The following CAMKMT variants were observed in gnomAD, a reference collection of about 807,000 sequenced individuals.
CAMKMT encodes the protein calmodulin-lysine N-methyltransferase.
A neutral mutation model predicts 48.0 loss-of-function variants in CAMKMT; 53 were observed. The ratio of observed to expected loss-of-function variants is 1.10; its 90% CI spans 0.89 to 1.39. CAMKMT has a LOEUF of 1.39. CAMKMT is among the 40% of genes most tolerant of loss of function. CAMKMT has a pLI of 0.00. For missense variants in CAMKMT, 428 were observed against 402.7 expected (o/e 1.06, Z -0.54); for synonymous variants, 165 against 152.3 (o/e 1.08, Z -0.61).
chr2:44,548,617 C>T (rs1282429075), intron 3 of CAMKMT, among the ~76,000 whole-genome samples: 1 of 152,184 alleles, frequency 6.6e-6, no homozygotes, highest in Admixed American at 6.5e-5. Flanking sequence ...TGGATCTGAC[C>T]TAATGACATA....
chr2:44,674,018 C>G (rs754505354), intron 3 of CAMKMT, among the ~76,000 whole-genome samples: 4 of 152,126 alleles, frequency 2.6e-5, no homozygotes, highest in Non-Finnish European at 1.5e-5. Context: ...TTTTCATGCA[C>G]CAAAACCTTC....
At chr2:44,659,572 A>G (rs898407822) in intron 3 of CAMKMT, among the ~76,000 whole-genome samples, 3 of 151,882 alleles carry the variant, frequency 2.0e-5, no homozygotes, top group African/African-American at 7.3e-5. Flanking sequence ...TCTACAAAAA[A>G]AAAAAAAAGA....
intron 3 of CAMKMT, among the ~76,000 whole-genome samples, chr2:44,590,835 A>G (rs1216215408): frequency 5.1e-4 from 78 of 151,666 alleles, no homozygotes; most frequent in Admixed American, 2.0e-3. Context: ...GCCCATGCCT[A>G]TGTCCTGAAT....
At chr2:44,578,635 G>T (rs568470579) in intron 3 of CAMKMT, among the ~76,000 whole-genome samples, 1 of 152,132 alleles carries the variant, frequency 6.6e-6, no homozygotes, top group Admixed American at 6.6e-5. Context: ...CACTTTCCTA[G>T]TTCTACAAGG....
intron 3 of CAMKMT, among the ~76,000 whole-genome samples, chr2:44,606,399 AG>A (rs1325804599): frequency 6.6e-6 from 1 of 152,190 alleles, no homozygotes; most frequent in East Asian, 1.9e-4. Context: ...AGAGAGTCAA[AG>A]GTCTTTTAGA....
chr2:44,698,099 A>T (rs1048409870), intron 3 of CAMKMT, among the ~76,000 whole-genome samples: 1 of 152,248 alleles, frequency 6.6e-6, no homozygotes, highest in Non-Finnish European at 1.5e-5. Context: ...AACTTTAAAA[A>T]GTAGCAGCTT....
Position 44,686,209 on chromosome 2 carries a change from C to T in CAMKMT, c.377-18074C>T, listed in dbSNP as rs907438707. ...GAGATCGAGACCATCCTGGCTAACA[C>T]GATGAAACACCGTATCTACTAAAAA... On this transcript the variant is annotated intron_variant, in intron 3 of 10. Coordinates refer to ENST00000378494, the MANE Select transcript of CAMKMT (RefSeq NM_024766.5). Among the ~76,000 whole-genome samples the T allele has an allele frequency of 8.6e-5, 13 of 151,730 alleles. No individual in the cohort carries two copies. The South Asian group carries it at 1.9e-3, about 22-fold the overall frequency.
At chr2:44,743,720 C>T (rs760070584) in intron 8 of CAMKMT, 24 bp downstream of exon 8, 3 of 1,579,252 alleles carry the variant, frequency 1.9e-6, no homozygotes, top group African/African-American at 2.7e-5. Flanking sequence ...AATCACAAAA[C>T]TCCTGTTAGA....
At chr2:44,469,706 C>T (rs760975279) in intron 3 of CAMKMT, among the ~76,000 whole-genome samples, 4 of 152,040 alleles carry the variant, frequency 2.6e-5, no homozygotes, top group Non-Finnish European at 5.9e-5. Flanking sequence ...GTATTGAATA[C>T]ATACATAATG....
intron 3 of CAMKMT, among the ~76,000 whole-genome samples, chr2:44,516,295 G>C (rs1670829247): frequency 6.6e-6 from 1 of 152,182 alleles, no homozygotes; most frequent in Non-Finnish European, 1.5e-5. Flanking sequence ...TGTTAGGCCA[G>C]GGGGAAGCCA....
chr2:44,691,847 T>C (rs1676672563), intron 3 of CAMKMT, among the ~76,000 whole-genome samples: 1 of 152,138 alleles, frequency 6.6e-6, no homozygotes, highest in Non-Finnish European at 1.5e-5. Context: ...CCATAAATTA[T>C]AGAGTGTCAC....
chr2:44,454,044 C>T (rs1263616722), intron 3 of CAMKMT, among the ~76,000 whole-genome samples: 1 of 151,952 alleles, frequency 6.6e-6, no homozygotes, highest in African/African-American at 2.4e-5. Context: ...TAGAGAAATT[C>T]TTTTACTAAG....
intron 7 of CAMKMT, among the ~76,000 whole-genome samples, chr2:44,717,250 G>T (rs975084513): frequency 2.6e-5 from 4 of 151,798 alleles, no homozygotes; most frequent in Admixed American, 1.3e-4. Flanking sequence ...GGCTTTTTTT[G>T]TCATCTTCAT....
chr2:44,769,794 CTATT>C (rs1338276185), intron 10 of CAMKMT, among the ~76,000 whole-genome samples: 1 of 152,120 alleles, frequency 6.6e-6, no homozygotes, highest in Admixed American at 6.5e-5. Flanking sequence ...TTCTGCTTAT[CTATT>C]CAAAATGCCA....
At chr2:44,635,533 T>C (rs1032595097) in intron 3 of CAMKMT, among the ~76,000 whole-genome samples, 2 of 152,248 alleles carry the variant, frequency 1.3e-5, no homozygotes, top group Non-Finnish European at 2.9e-5. Context: ...ATGCTCCATC[T>C]TGCATATCTT....
At chr2:44,735,048 G>A (rs548737120) in intron 7 of CAMKMT, among the ~76,000 whole-genome samples, 2 of 152,290 alleles carry the variant, frequency 1.3e-5, no homozygotes, top group East Asian at 1.9e-4. Context: ...TTCAGTGCGT[G>A]AATATTTAGA....
At chr2:44,372,196 G>C (rs1679244197) in intron 1 of CAMKMT, among the ~76,000 whole-genome samples, 1 of 152,064 alleles carries the variant, frequency 6.6e-6, no homozygotes, top group Non-Finnish European at 1.5e-5. Context: ...AAAGATATAA[G>C]ACTGCAAGCC....
At chr2:44,542,620 G>A (rs1192563382) in intron 3 of CAMKMT, among the ~76,000 whole-genome samples, 1 of 151,428 alleles carries the variant, frequency 6.6e-6, no homozygotes, top group African/African-American at 2.4e-5. Flanking sequence ...GGCAATTCAA[G>A]GCATTATATA....
intron 3 of CAMKMT, among the ~76,000 whole-genome samples, chr2:44,673,467 G>A (rs1352142151): frequency 3.3e-4 from 36 of 107,610 alleles, no homozygotes; most frequent in African/African-American, 1.3e-3. Context: ...GAAAGAAAGA[G>A]AGAGAGGAAG....
Sources: gnomAD v4.1 joint callset for allele counts (sites outside exome capture counted in the v4.1 genomes callset) on GRCh38, gnomAD v4.1.1 for gene constraint, MANE v1.5 for transcripts, NCBI Gene and HGNC (gene_info 2026-07-23, HGNC 2026-07-21) for gene names.